The following CLSTN1 variants were observed in gnomAD, a reference collection of about 807,000 sequenced individuals.
CLSTN1 encodes the protein calsyntenin-1.
A neutral mutation model predicts 108.3 loss-of-function variants in CLSTN1; 28 were observed. That is an observed-to-expected ratio of 0.26 (90% CI 0.19 to 0.35). The LOEUF is 0.35. Ranked by LOEUF, CLSTN1 falls within the 10% of genes least tolerant of loss-of-function variation. The pLI, the probability that CLSTN1 is intolerant of heterozygous loss-of-function variation, is 1.00. For synonymous variants in CLSTN1, 524 were observed against 534.9 expected (o/e 0.98, Z 0.28); for missense variants, 1,157 against 1,302.6 (o/e 0.89, Z 1.72).
chr1:9,804,195 T>C (rs1256815328), intron 1 of CLSTN1, among the ~76,000 whole-genome samples: 1 of 151,826 alleles, frequency 6.6e-6, no homozygotes, highest in Non-Finnish European at 1.5e-5. Flanking sequence ...ACCTCGTCTC[T>C]ACTAAAAATA....
At chr1:9,749,971 T>C in intron 5 of CLSTN1, 58 bp from the exon 6 acceptor site, 1 of 1,488,960 alleles carries the variant, frequency 6.7e-7, no homozygotes, top group Non-Finnish European at 9.3e-7. Context: ...TTACTTTTGT[T>C]GTCCTAGGCG....
chr1:9,767,518 C>A (rs970496329), intron 2 of CLSTN1, among the ~76,000 whole-genome samples: 1 of 148,894 alleles, frequency 6.7e-6, no homozygotes, highest in African/African-American at 2.5e-5. Context: ...GCACTCCAGC[C>A]TGGGCAACAG....
intron 2 of CLSTN1, among the ~76,000 whole-genome samples, chr1:9,763,214 G>C (rs531286229): frequency 1.4e-3 from 212 of 152,074 alleles, no homozygotes; most frequent in African/African-American, 4.8e-3. Context: ...TCCTTGCCTC[G>C]GCCTCCCAAA....
intron 10 of CLSTN1, among the ~76,000 whole-genome samples, chr1:9,737,793 T>C (rs1487429427): frequency 6.6e-6 from 1 of 152,128 alleles, no homozygotes; most frequent in African/African-American, 2.4e-5. Context: ...CACATCCTCC[T>C]TGCCAAAACA....
intron 11 of CLSTN1, 131 bp from the exon 12 acceptor site, chr1:9,736,173 C>G: frequency 9.6e-7 from 1 of 1,038,922 alleles, no homozygotes. Flanking sequence ...CATACCAAGT[C>G]CTGTTAGCCT....
intron 2 of CLSTN1, among the ~76,000 whole-genome samples, chr1:9,765,864 G>A (rs564373672): frequency 1.1e-4 from 17 of 152,124 alleles, no homozygotes; most frequent in African/African-American, 3.1e-4. Flanking sequence ...GCGACACAGC[G>A]AGACTCTGTC....
intron 7 of CLSTN1, among the ~76,000 whole-genome samples, chr1:9,747,901 G>A (rs189504069): frequency 3.9e-5 from 6 of 151,992 alleles, no homozygotes; most frequent in Non-Finnish European, 5.9e-5. Flanking sequence ...AAAATTAGCC[G>A]GGCATGGTGG....
chr1:9,764,834 G>A (rs190735112), intron 2 of CLSTN1, among the ~76,000 whole-genome samples: 1 of 151,956 alleles, frequency 6.6e-6, no homozygotes, highest in Admixed American at 6.6e-5. Context: ...TTGAAAACAG[G>A]AACCAACTTT....
At chr1:9,807,299 C>G (rs1270775715) in intron 1 of CLSTN1, among the ~76,000 whole-genome samples, 1 of 152,108 alleles carries the variant, frequency 6.6e-6, no homozygotes, top group Non-Finnish European at 1.5e-5. Flanking sequence ...AAGGGGAAGC[C>G]TGCAGTTGGT....
intron 2 of CLSTN1, among the ~76,000 whole-genome samples, chr1:9,759,680 T>C (rs1161931077): frequency 6.6e-6 from 1 of 152,234 alleles, no homozygotes; most frequent in Non-Finnish European, 1.5e-5. Flanking sequence ...CAGAGGTTGT[T>C]GCAGAGTTAC....
At chr1:9,775,296 TG>T (rs1229796601) in intron 1 of CLSTN1, among the ~76,000 whole-genome samples, 1 of 150,758 alleles carries the variant, frequency 6.6e-6, no homozygotes, top group Non-Finnish European at 1.5e-5. Context: ...TCTGACAAAC[TG>T]ATCTCAAGTT....
intron 2 of CLSTN1, among the ~76,000 whole-genome samples, chr1:9,759,324 G>A (rs1372069952): frequency 6.6e-6 from 1 of 152,206 alleles, no homozygotes; most frequent in African/African-American, 2.4e-5. Context: ...TGCCCAGGCT[G>A]GAGTGCAGTG....
At chr1:9,751,969 TG>T (rs1194856842) in intron 4 of CLSTN1, among the ~76,000 whole-genome samples, 1 of 152,064 alleles carries the variant, frequency 6.6e-6, no homozygotes, top group East Asian at 1.9e-4. Flanking sequence ...GAGACTTGGG[TG>T]TTTTTTTTTG....
At chr1:9,768,528 GTGGC>G (rs1652479407) in intron 2 of CLSTN1, among the ~76,000 whole-genome samples, 1 of 129,504 alleles carries the variant, frequency 7.7e-6, no homozygotes, top group African/African-American at 2.9e-5. Flanking sequence ...TCTGTGTTGG[GTGGC>G]ACCATGGGGG....
intron 1 of CLSTN1, among the ~76,000 whole-genome samples, chr1:9,776,838 C>T (rs982999297): frequency 1.1e-4 from 17 of 151,174 alleles, no homozygotes; most frequent in African/African-American, 4.1e-4. Flanking sequence ...CATCTATCAG[C>T]ATTTATCTAT....
chr1:9,759,929 T>G (rs984199695), intron 2 of CLSTN1, among the ~76,000 whole-genome samples: 2 of 152,362 alleles, frequency 1.3e-5, no homozygotes, highest in East Asian at 3.9e-4. Context: ...TTAATTTGGA[T>G]AAAACTTCTC....
Position 9,730,604 on chromosome 1 carries a change from C to T in CLSTN1, c.2850G>A (p.Ser950=), listed in dbSNP as rs753243868. 28 of 1,610,084 alleles carry T rather than the reference C, an allele frequency of 1.7e-5. No homozygotes were observed. The highest frequency in any genetic ancestry group is 5.3e-5 in the African/African-American group (4 of 74,874). ...CCCCCTCCTCCTCCTCGCTGCTCTC[C>T]GACTCGGCGCTGGTGATGTCATCCT... ...EEEDDITSAE[S]ESSEEEEGEQ... Residue 950 remains serine, a synonymous_variant, in exon 19 of 19, where the codon TCG becomes TCA. Transcript: ENST00000377298. This position sits in a 1 kb window ranked among gnomAD's most constrained non-coding sequence, Gnocchi z 5.6.
At chr1:9,814,215 A>G (rs1654882013) in intron 1 of CLSTN1, among the ~76,000 whole-genome samples, 2 of 150,146 alleles carry the variant, frequency 1.3e-5, no homozygotes, top group Admixed American at 6.7e-5. Context: ...TTTGAGACCA[A>G]TCTGGGCAAT....
chr1:9,733,607 T>C, intron 15 of CLSTN1, 61 bp from the exon 16 acceptor site: 2 of 1,598,204 alleles, frequency 1.3e-6, no homozygotes, highest in Non-Finnish European at 1.7e-6. Context: ...TGGGCAGGGC[T>C]GCAGCCGTCA....
Sources: gnomAD v4.1 joint callset for allele counts (sites outside exome capture counted in the v4.1 genomes callset) on GRCh38, gnomAD v4.1.1 for gene constraint, Gnocchi (gnomAD v3.1) non-coding constraint, MANE v1.5 for transcripts, NCBI Gene and HGNC (gene_info 2026-07-23, HGNC 2026-07-21) for gene names.